Variants in TNK2 observed in about 807,000 individuals in gnomAD.
TNK2 encodes tyrosine kinase non receptor 2, also known as activated CDC42 kinase 1.
TNK2 carries 83 observed loss-of-function variants against 101.8 expected under a neutral mutation model. The observed-to-expected ratio is 0.82, with a 90% CI of 0.68 to 0.98. TNK2 has a LOEUF of 0.98. TNK2 is among the 50% of genes least tolerant of loss of function. The pLI is 0.00. For missense variants in TNK2, 1,665 were observed against 1,483.2 expected, an observed-to-expected ratio of 1.12 and a Z score of -2.01; for synonymous variants, 804 against 633.0, an observed-to-expected ratio of 1.27 and a Z score of -4.06.
intron 15 of TNK2, 61 bp from the exon 16 acceptor site, chr3:195,864,248 C>A (rs1191499836): frequency 1.3e-5 from 21 of 1,606,358 alleles, no homozygotes; most frequent in African/African-American, 4.0e-5. Context: ...GCGGGGCAGG[C>A]ACCGGGGGTC....
Position 195,882,154 on chromosome 3 carries a change from T to A in TNK2, c.784A>T (p.Thr262Ser). Residue 262 changes from threonine (T) to serine (S), a missense_variant, in exon 6 of 16, where the codon ACC becomes TCC. Thr to Ser is a moderately conservative substitution (Grantham distance 58, BLOSUM62 1). Around this residue, in one of 3 missense-constraint regions of TNK2, gnomAD observed 490 missense variants for 522.5 expected, o/e 0.94. Transcript: ENST00000672887. The surrounding 1 kb of genome is among the most constrained non-coding windows in gnomAD (Gnocchi z 4.2). ...TCCCCGATCTTGACCAGGTCGCGGG[T>A]AGCCAACAGCAGATTGCGGGCAGCC... is the stretch of plus-strand genomic sequence containing the variant. ...DLAARNLLLA[T>S]RDLVKIGDFG... 6.2e-7 allele frequency: 1 copy of A among 1,613,834 alleles called. No individual in the cohort carries two copies. Among genetic ancestry groups the A allele is most frequent in the Non-Finnish European group, 8.5e-7 (1 of 1,180,014 alleles).
Position 195,883,206 on chromosome 3 carries a change from C to T in TNK2, c.560G>A (p.Arg187Gln), listed in dbSNP as rs756000040. Reference protein sequence around the residue: ...EVNAMHSLDHRNLIRLYGVVL... With the variant: ...EVNAMHSLDHQNLIRLYGVVL... ...CACCCCGTAGAGGCGGATGAGGTTTCGGTGGTCGAGCGAGTGCATGGCATT... is the reference window on the plus strand; with the variant it reads ...CACCCCGTAGAGGCGGATGAGGTTTTGGTGGTCGAGCGAGTGCATGGCATT... Residue 187 changes from arginine to glutamine, a missense_variant, in exon 5 of 16, where the codon CGA becomes CAA. By Grantham distance (43) the Arg-to-Gln change is conservative. Around this residue, in one of 3 missense-constraint regions of TNK2, gnomAD observed 490 missense variants for 522.5 expected, o/e 0.94. Transcript: ENST00000672887. 1.7e-5 allele frequency: 28 copies of T among 1,605,800 alleles called. No homozygotes were observed. The highest frequency in any genetic ancestry group is 6.7e-5 in the African/African-American group (5 of 74,778).
At chr3:195,871,202 G>A (rs1038598291) in intron 10 of TNK2, among the ~76,000 whole-genome samples, 4 of 151,804 alleles carry the variant, frequency 2.6e-5, no homozygotes, top group Non-Finnish European at 5.9e-5. Flanking sequence ...GCTTCGGGGG[G>A]TGGGGGGTGG....
chr3:195,906,844 G>A (rs1761774782), intron 1 of TNK2, among the ~76,000 whole-genome samples: 1 of 152,058 alleles, frequency 6.6e-6, no homozygotes, highest in Non-Finnish European at 1.5e-5. Context: ...CCGGGCTCAG[G>A]GGCCAGAGGG....
intron 1 of TNK2, among the ~76,000 whole-genome samples, chr3:195,902,340 G>A (rs980813341): frequency 2.6e-4 from 40 of 152,288 alleles, no homozygotes; most frequent in South Asian, 6.2e-4. Flanking sequence ...AGTAAGGGCC[G>A]GGCGCGGGGG....
chr3:195,872,517 C>T (rs1186222871), intron 9 of TNK2, 47 bp from the exon 10 acceptor site: 1 of 1,537,932 alleles, frequency 6.5e-7, no homozygotes, highest in Non-Finnish European at 8.8e-7. Context: ...GGCGGGGCAG[C>T]CCCGGCACTG....
At chr3:195,895,441 T>C (rs1486999200) in intron 1 of TNK2, 14 of 1,466,196 alleles carry the variant, frequency 9.5e-6, no homozygotes, top group Non-Finnish European at 1.3e-5. Context: ...GGGCCGCTAC[T>C]GCGTCTCAGC....
intron 1 of TNK2, among the ~76,000 whole-genome samples, chr3:195,902,322 T>G (rs960470789): frequency 5.9e-5 from 9 of 152,058 alleles, no homozygotes; most frequent in Admixed American, 3.3e-4. Flanking sequence ...AAAAGTTATT[T>G]AAGAGACAGT....
At chr3:195,879,226 T>C (rs754431315) in intron 6 of TNK2, 51 bp from the exon 7 acceptor site, 8 of 1,606,288 alleles carry the variant, frequency 5.0e-6, no homozygotes, top group Non-Finnish European at 5.9e-6. Flanking sequence ...CCTACCTGCG[T>C]CCGCCCCAGG....
intron 11 of TNK2, chr3:195,869,862 A>G (rs1279373039): frequency 1.6e-5 from 9 of 550,728 alleles, no homozygotes; most frequent in Non-Finnish European, 2.3e-5. Context: ...TCGGCCGTGG[A>G]AGGAGGGAGG....
At chr3:195,897,665 C>G (rs962189971) in intron 1 of TNK2, among the ~76,000 whole-genome samples, 1 of 152,120 alleles carries the variant, frequency 6.6e-6, no homozygotes, top group Non-Finnish European at 1.5e-5. Context: ...TCACACCCAG[C>G]TAATTTTTGT....
At chr3:195,875,653 G>A (rs1370274162) in intron 9 of TNK2, among the ~76,000 whole-genome samples, 3 of 99,096 alleles carry the variant, frequency 3.0e-5, no homozygotes, top group East Asian at 4.9e-4. Flanking sequence ...CGCCCTGTCC[G>A]CGCCCTCTCT....
At position 195,885,696 on chromosome 3, in the gene TNK2, TGGA is replaced by T. The variant is rs1755307018; in HGVS notation, c.235-666_235-664del. 3.9e-5 allele frequency: 31 copies of T among 791,586 alleles called. 1 individual carries two copies. The South Asian group carries it at 4.5e-4, about 11-fold the overall frequency. The allele number at this position is 791,586 out of a possible 1,614,324, so 49.0% of individuals were successfully genotyped here. A position where few individuals can be genotyped will look rare whatever the true frequency, so the allele number is the denominator to read the frequency against. On this transcript the variant is annotated intron_variant, in intron 3 of 15. Coordinates refer to ENST00000672887, the MANE Select transcript of TNK2 (RefSeq NM_001382273.1). This position sits in a 1 kb window ranked among gnomAD's most constrained non-coding sequence, Gnocchi z 4.7. ...CTGAGGGCTGAGACGGAAGGAAAAG[TGGA>T]GGAGACTCGGAGGCCAGGGTGGACA...
intron 1 of TNK2, chr3:195,892,670 C>G (rs1321383739): frequency 1.5e-6 from 2 of 1,362,320 alleles, no homozygotes; most frequent in Non-Finnish European, 1.9e-6. Context: ...GCCGGTCTGG[C>G]AGGGAGCAGA....
rs764262169 is a variant in TNK2, at chr3:195,867,402, C to T, written c.2896G>A (p.Asp966Asn). The T allele has an allele frequency of 6.0e-5, 96 of 1,604,642 alleles. No individual in the cohort carries two copies. The highest frequency in any genetic ancestry group is 1.8e-4 in the South Asian group (16 of 90,488). The change falls in exon 13 of 16, where the codon GAT becomes AAT. Residue 966 changes from aspartate (D) to asparagine (N), a missense_variant. Physicochemically the swap from Asp to Asn is conservative, Grantham distance 23 (BLOSUM62 1). Coordinates refer to ENST00000672887, the MANE Select transcript of TNK2 (RefSeq NM_001382273.1). ...ARLPQRGCPG[D>N]GPEAGRPADK... is the part of the protein sequence containing the mutation. ...GCTGGCCGGCCCGCCTCTGGCCCATCGCCAGGGCAGCCCCTCTGTGGCAGC... is the reference window on the plus strand; with the variant it reads ...GCTGGCCGGCCCGCCTCTGGCCCATTGCCAGGGCAGCCCCTCTGTGGCAGC...
At chr3:195,887,075 T>A in intron 2 of TNK2, 28 bp from the exon 3 acceptor site, 1 of 1,578,020 alleles carries the variant, frequency 6.3e-7, no homozygotes, top group African/African-American at 1.3e-5. Flanking sequence ...AACCGCGTGC[T>A]GTGAAGGCCG....
rs543875455 is a variant in TNK2, at chr3:195,869,917, A to C, written c.1543+197T>G. 608 of 558,380 alleles carry C rather than the reference A, an allele frequency of 1.1e-3. 10 individuals are homozygous for C. The South Asian group carries it at 0.015, about 14-fold the overall frequency. 34.6% of individuals were successfully genotyped at this position (558,380 alleles called of 1,614,324 possible). On this transcript the variant is annotated intron_variant, in intron 11 of 15. Transcript: ENST00000672887. ...GGCCTGCTGCAGACCCAGCCCGAGG[A>C]GGCCCACCTCGGCGGATACAGCTGC... is the stretch of plus-strand genomic sequence containing the variant.
intron 1 of TNK2, among the ~76,000 whole-genome samples, chr3:195,905,684 T>C (rs939612238): frequency 5.3e-5 from 8 of 152,078 alleles, no homozygotes; most frequent in Non-Finnish European, 1.0e-4. Context: ...CCCAAAACTA[T>C]AAAATGTCTA....
In TNK2 at chr3:195,886,727, A is replaced by T. The variant is rs1755761172; in HGVS notation, c.234+250T>A. Among the ~76,000 whole-genome samples, 1 of 152,158 alleles carries T rather than the reference A, an allele frequency of 6.6e-6. No individual in the cohort carries two copies. The highest frequency in any genetic ancestry group is 2.1e-4 in the South Asian group (1 of 4,818). Reference sequence around the variant, plus strand: ...GAGGTCCTGTTCCAGGCGTGCCGAGAGGGGCTGTGAAGGCCTCACCGCACA... The same window carrying T: ...GAGGTCCTGTTCCAGGCGTGCCGAGTGGGGCTGTGAAGGCCTCACCGCACA... On this transcript the variant is annotated intron_variant, in intron 3 of 15. Transcript: ENST00000672887. This position sits in a 1 kb window ranked among gnomAD's most constrained non-coding sequence, Gnocchi z 4.2.
Sources: gnomAD v4.1 joint callset for allele counts (sites outside exome capture counted in the v4.1 genomes callset) on GRCh38, gnomAD v4.1.1 for gene constraint, gnomAD v4.1.1 regional missense constraint, Gnocchi (gnomAD v3.1) non-coding constraint, MANE v1.5 for transcripts, NCBI Gene and HGNC (gene_info 2026-07-23, HGNC 2026-07-21) for gene names.